DYNC1I2: variants seen among roughly 807,000 people sequenced by gnomAD.
DYNC1I2 encodes cytoplasmic dynein 1 intermediate chain 2.
In DYNC1I2, 53 loss-of-function variants were observed where a neutral mutation model predicts 88.6. That is an observed-to-expected ratio of 0.60 (90% confidence interval 0.48 to 0.75). The LOEUF (loss-of-function observed/expected upper bound fraction) is 0.75. Among genes scored for constraint, DYNC1I2 ranks in the 30% least tolerant of loss-of-function variants. The pLI is 0.00. For synonymous variants in DYNC1I2, 198 were observed against 254.6 expected, an observed-to-expected ratio of 0.78 and a Z score of 2.12; for missense variants, 458 against 766.6, an observed-to-expected ratio of 0.60 and a Z score of 4.75.
intron 2 of DYNC1I2, among the ~76,000 whole-genome samples, chr2:171,692,239 T>C (rs1367036568): frequency 2.0e-5 from 3 of 152,196 alleles, no homozygotes; most frequent in African/African-American, 7.2e-5. Context: ...CATAACAAAA[T>C]GTTTTGTGCT....
At chr2:171,740,646 G>A (rs1465874967) in intron 15 of DYNC1I2, among the ~76,000 whole-genome samples, 1 of 151,700 alleles carries the variant, frequency 6.6e-6, no homozygotes, top group Non-Finnish European at 1.5e-5. Flanking sequence ...CTTTTGAGTT[G>A]TTTTTGGTAT....
chr2:171,699,492 G>A (rs750090812), intron 3 of DYNC1I2, among the ~76,000 whole-genome samples: 1 of 152,026 alleles, frequency 6.6e-6, no homozygotes, highest in Non-Finnish European at 1.5e-5. Context: ...TATAAAAGAT[G>A]CCTGTTTCTT....
At chr2:171,728,947 CT>C in intron 14 of DYNC1I2, 97 bp downstream of exon 14, 3 of 1,315,302 alleles carry the variant, frequency 2.3e-6, no homozygotes, top group Non-Finnish European at 3.1e-6. Context: ...CGTAGATCTA[CT>C]TGTTATTTGT....
intron 7 of DYNC1I2, among the ~76,000 whole-genome samples, chr2:171,718,699 C>T (rs1203657141): frequency 6.6e-6 from 1 of 152,148 alleles, no homozygotes; most frequent in Non-Finnish European, 1.5e-5. Context: ...TCCCAAAGTG[C>T]TGGGATTACA....
intron 5 of DYNC1I2, among the ~76,000 whole-genome samples, chr2:171,711,561 C>T (rs1431929331): frequency 6.6e-6 from 1 of 152,186 alleles, no homozygotes; most frequent in African/African-American, 2.4e-5. Flanking sequence ...TCTCATAGAA[C>T]TTTTGATTTA....
rs530080234 is a variant in DYNC1I2, at chr2:171,749,305, C to T, written c.*1416C>T. On this transcript the variant is annotated 3_prime_UTR_variant, in exon 18 of 18. Coordinates refer to ENST00000397119, the MANE Select transcript of DYNC1I2 (RefSeq NM_001378.3). ...TAATGATTTCTGAATTTTCTTTCAG[C>T]TCTACTCAATTAAGGGGTATCAGTA... Among the ~76,000 whole-genome samples, 22 of 152,206 alleles carry T rather than the reference C, an allele frequency of 1.4e-4. No individual in the cohort carries two copies. The highest frequency in any genetic ancestry group is 6.2e-4 in the South Asian group (3 of 4,830).
chr2:171,737,001 G>A (rs1689054517), intron 15 of DYNC1I2, among the ~76,000 whole-genome samples: 1 of 152,174 alleles, frequency 6.6e-6, no homozygotes, highest in African/African-American at 2.4e-5. Flanking sequence ...CAAACTGGGT[G>A]GCTTAAAATG....
intron 7 of DYNC1I2, among the ~76,000 whole-genome samples, chr2:171,721,751 ATTAAG>A (rs1363528446): frequency 6.6e-6 from 1 of 152,200 alleles, no homozygotes; most frequent in East Asian, 1.9e-4. Flanking sequence ...TTCATAGGAT[ATTAAG>A]TTATCTTAAA....
chr2:171,698,514 A>G (rs563498111), intron 3 of DYNC1I2, among the ~76,000 whole-genome samples: 1 of 152,104 alleles, frequency 6.6e-6, no homozygotes, highest in Non-Finnish European at 1.5e-5. Context: ...CCACCCGGGT[A>G]GCTGGGACTA....
intron 3 of DYNC1I2, among the ~76,000 whole-genome samples, chr2:171,700,635 G>A (rs1357832780): frequency 6.9e-6 from 1 of 144,546 alleles, no homozygotes; most frequent in African/African-American, 2.8e-5. Context: ...TTTGTTTTTT[G>A]TTTTTTGTTT....
chr2:171,703,781 G>A (rs938887640), intron 3 of DYNC1I2, among the ~76,000 whole-genome samples: 7 of 152,096 alleles, frequency 4.6e-5, no homozygotes, highest in Non-Finnish European at 7.4e-5. Flanking sequence ...TTAATATTCC[G>A]GGCTAAGAAC....
chr2:171,723,767 G>A lies in DYNC1I2; in HGVS notation c.512-1851G>A, dbSNP rs148148043. Among the ~76,000 whole-genome samples, 25 of 152,186 alleles carry A rather than the reference G, an allele frequency of 1.6e-4. 1 individual carries two copies. Among genetic ancestry groups the A allele is most frequent in the African/African-American group, 5.5e-4 (23 of 41,516 alleles). On this transcript the variant is annotated intron_variant, in intron 7 of 17. Coordinates refer to ENST00000397119, the MANE Select transcript of DYNC1I2 (RefSeq NM_001378.3). ...TGGCGATCACTAAGAATTCTTTTACGTGTTCTTTCCCCTTTGCACCACCGC... is the reference window on the plus strand; with the variant it reads ...TGGCGATCACTAAGAATTCTTTTACATGTTCTTTCCCCTTTGCACCACCGC...
chr2:171,688,921 A>T (rs1188739232), intron 1 of DYNC1I2, among the ~76,000 whole-genome samples: 1 of 152,184 alleles, frequency 6.6e-6, no homozygotes, highest in Non-Finnish European at 1.5e-5. Context: ...ACATTGAAAG[A>T]GATTGATCAT....
chr2:171,701,268 C>G (rs888255140), intron 3 of DYNC1I2, among the ~76,000 whole-genome samples: 5 of 152,332 alleles, frequency 3.3e-5, no homozygotes, highest in Admixed American at 2.0e-4. Flanking sequence ...CTCCCAGGTT[C>G]AAGCAATTCC....
chr2:171,729,753 T>C lies in DYNC1I2; in HGVS notation c.1436T>C (p.Ile479Thr). The part of the protein sequence containing the change: ...SEMFEGHQGP[I>T]TGIHCHAAVG... ...ATGTTTGAGGGGCATCAAGGACCAATCACTGGCATCCATTGTCATGCAGCT... is the reference window on the plus strand; with the variant it reads ...ATGTTTGAGGGGCATCAAGGACCAACCACTGGCATCCATTGTCATGCAGCT... The change falls in exon 15 of 18, where the codon ATC becomes ACC. Residue 479 changes from isoleucine (I) to threonine (T), a missense_variant. Physicochemically the swap from Ile to Thr is moderately conservative, Grantham distance 89. This residue lies in a region of DYNC1I2 where 188 missense variants were observed against 300.4 expected (regional missense o/e 0.63). Transcript: ENST00000397119. The C allele has an allele frequency of 1.9e-6, 3 of 1,613,198 alleles. No individual in the cohort carries two copies. The highest frequency in any genetic ancestry group is 3.3e-5 in the Admixed American group (2 of 60,014).
rs751182145 is a variant in DYNC1I2 at position 171,745,895 on chromosome 2, G to C, written c.1771G>C (p.Glu591Gln). ...CAGAGAGATTGCTGTGGGTGATTCT[G>C]AAGGACAGATTGTTATATACGATGT... ...SGREIAVGDSEGQIVIYDVGE... is the reference protein window; with the variant it reads ...SGREIAVGDSQGQIVIYDVGE... Residue 591 changes from glutamate (E) to glutamine (Q), a missense_variant, in exon 17 of 18, where the codon GAA becomes CAA. Transcript: ENST00000397119. 6.2e-7 allele frequency: 1 copy of C among 1,613,874 alleles called. No homozygotes were observed. The highest frequency in any genetic ancestry group is 2.2e-5 in the East Asian group (1 of 44,862).
chr2:171,706,478 A>T, intron 3 of DYNC1I2, 69 bp from the exon 4 acceptor site: 1 of 1,337,430 alleles, frequency 7.5e-7, no homozygotes, highest in South Asian at 1.2e-5. Context: ...ACTATGAAAA[A>T]TGTGTATTTT....
At chr2:171,740,735 T>C (rs915400380) in intron 15 of DYNC1I2, among the ~76,000 whole-genome samples, 6 of 148,378 alleles carry the variant, frequency 4.0e-5, no homozygotes, top group Admixed American at 2.0e-4. Context: ...TCTTTATCAC[T>C]TTTTTTTTTA....
chr2:171,709,350 A>G (rs756776330), intron 5 of DYNC1I2, among the ~76,000 whole-genome samples: 25 of 152,228 alleles, frequency 1.6e-4, no homozygotes, highest in Non-Finnish European at 2.8e-4. Flanking sequence ...GTAAATTAAT[A>G]CAGGGAGTAA....
Sources: allele counts gnomAD v4.1 joint callset (sites outside exome capture counted in the v4.1 genomes callset), GRCh38; gene constraint gnomAD v4.1.1; regional missense constraint gnomAD v4.1.1; transcripts MANE v1.5; gene names NCBI Gene and HGNC (gene_info 2026-07-23, HGNC 2026-07-21).